VPS26A: variants seen among roughly 807,000 people sequenced by gnomAD.
VPS26A encodes the protein vacuolar protein sorting-associated protein 26A.
In VPS26A, 22 loss-of-function variants were observed where a neutral mutation model predicts 42.4. That is an observed-to-expected ratio of 0.52 (90% CI 0.37 to 0.74). The LOEUF (loss-of-function observed/expected upper bound fraction) is 0.74. Ranked by LOEUF, VPS26A falls within the 30% of genes least tolerant of loss-of-function variation. The pLI is 0.00. For synonymous variants in VPS26A, 110 were observed against 123.5 expected (o/e 0.89, Z 0.73); for missense variants, 276 against 379.2 (o/e 0.73, Z 2.26).
In VPS26A at chr10:69,149,743, T is replaced by TTTG. The variant is rs1564680045; in HGVS notation, c.154-6067_154-6066insGTT. Among the ~76,000 whole-genome samples, 10 of 39,054 alleles carry TTTG rather than the reference T, an allele frequency of 2.6e-4. 2 individuals carry two copies. The highest frequency in any genetic ancestry group is 4.7e-4 in the African/African-American group (9 of 19,120). The allele number at this position is 39,054 out of a possible 152,430, so 25.6% of individuals were successfully genotyped here. A position where few individuals can be genotyped will look rare whatever the true frequency, so the allele number is the denominator to read the frequency against. ...TTTCTTGGTGTTTTTTGTTTTTTTTTTTTTTTTTTTTTTTTTTTTTTGAGA... is the reference window on the plus strand; with the variant it reads ...TTTCTTGGTGTTTTTTGTTTTTTTTTTTGTTTTTTTTTTTTTTTTTTTTTGAGA... On this transcript the variant is annotated intron_variant, in intron 2 of 8. Coordinates refer to ENST00000263559, the MANE Select transcript of VPS26A (RefSeq NM_004896.5).
intron 2 of VPS26A, among the ~76,000 whole-genome samples, chr10:69,134,342 T>A (rs1270148414): frequency 6.6e-6 from 1 of 152,218 alleles, no homozygotes; most frequent in Non-Finnish European, 1.5e-5. Flanking sequence ...CTTCATATCT[T>A]TGGTAATATG....
At chr10:69,131,806 T>C (rs949004242) in intron 1 of VPS26A, among the ~76,000 whole-genome samples, 2 of 152,212 alleles carry the variant, frequency 1.3e-5, no homozygotes, top group Non-Finnish European at 2.9e-5. Flanking sequence ...AGGAGACTGT[T>C]CTCTGTGTAA....
intron 2 of VPS26A, among the ~76,000 whole-genome samples, chr10:69,135,534 A>C (rs1840887211): frequency 6.6e-6 from 1 of 152,196 alleles, no homozygotes; most frequent in South Asian, 2.1e-4. Flanking sequence ...TTTGAGCCCA[A>C]GAGTTCAAGA....
In VPS26A at chr10:69,124,257, G is replaced by A. The variant is rs5030909; in HGVS notation, c.-21G>A. On this transcript the variant is annotated 5_prime_UTR_variant, in exon 1 of 9. Transcript: ENST00000263559. ...GAGGGAAGAGGAGTGGAGTAGGGGGGACGCGGCGGCGGCGTTGACAATGGT... is the reference window on the plus strand; with the variant it reads ...GAGGGAAGAGGAGTGGAGTAGGGGGAACGCGGCGGCGGCGTTGACAATGGT... 0.23 allele frequency: 289,804 copies of A among 1,282,242 alleles called. 36,068 individuals carry two copies. The highest frequency in any genetic ancestry group is 0.25 in the Non-Finnish European group (250,923 of 1,008,884). 79.4% of individuals were successfully genotyped at this position (1,282,242 alleles called of 1,614,324 possible).
intron 2 of VPS26A, among the ~76,000 whole-genome samples, chr10:69,142,711 G>A (rs973549582): frequency 6.8e-5 from 10 of 147,004 alleles, no homozygotes; most frequent in African/African-American, 2.5e-4. Context: ...TATAACAAAT[G>A]CAAAAGAAAG....
chr10:69,169,110 G>C (rs1841758413), intron 8 of VPS26A, among the ~76,000 whole-genome samples: 1 of 151,126 alleles, frequency 6.6e-6, no homozygotes, highest in Non-Finnish European at 1.5e-5. Flanking sequence ...TGAACTCTTG[G>C]GCTTAAGCAA....
At chr10:69,159,690 A>G (rs1227676852) in intron 5 of VPS26A, among the ~76,000 whole-genome samples, 1 of 152,200 alleles carries the variant, frequency 6.6e-6, no homozygotes, top group Non-Finnish European at 1.5e-5. Flanking sequence ...ATATCATTCT[A>G]AATATAACTA....
intron 1 of VPS26A, among the ~76,000 whole-genome samples, chr10:69,125,091 GGTA>G (rs1409606428): frequency 6.6e-6 from 1 of 152,090 alleles, no homozygotes; most frequent in African/African-American, 2.4e-5. Flanking sequence ...CCCATTTTCT[GGTA>G]GTAGTCGTCA....
At chr10:69,171,119 A>G (rs761386465) in intron 8 of VPS26A, 37 bp from the exon 9 acceptor site, 2 of 1,525,734 alleles carry the variant, frequency 1.3e-6, no homozygotes, top group African/African-American at 2.8e-5. Context: ...CATCATATCA[A>G]ACATTAATTT....
chr10:69,138,417 G>GT (rs985017180), intron 2 of VPS26A, among the ~76,000 whole-genome samples: 6 of 152,096 alleles, frequency 3.9e-5, no homozygotes, highest in Non-Finnish European at 7.4e-5. Context: ...TGTTAAATAT[G>GT]TTTAAGTTTT....
intron 1 of VPS26A, among the ~76,000 whole-genome samples, chr10:69,131,093 C>G (rs1840767268): frequency 6.6e-6 from 1 of 152,134 alleles, no homozygotes; most frequent in Non-Finnish European, 1.5e-5. Flanking sequence ...CCAGGTGATT[C>G]TCCTGCCTCA....
At chr10:69,146,057 C>T (rs1166857894) in intron 2 of VPS26A, among the ~76,000 whole-genome samples, 1 of 152,038 alleles carries the variant, frequency 6.6e-6, no homozygotes, top group Admixed American at 6.6e-5. Flanking sequence ...AGTATGTACC[C>T]ATACTTCATT....
chr10:69,125,564 AAACTT>A (rs71684324), intron 1 of VPS26A, among the ~76,000 whole-genome samples: 24,151 of 152,088 alleles, frequency 0.16, 2,530 homozygotes, highest in Non-Finnish European at 0.23. Context: ...TTTGAAAAGA[AAACTT>A]AAAAGGTCCT....
chr10:69,133,754 CT>C, intron 2 of VPS26A: 1 of 439,746 alleles, frequency 2.3e-6, no homozygotes, highest in Non-Finnish European at 4.1e-6. Flanking sequence ...GTGATCATGG[CT>C]TACTGCATGC....
At chr10:69,156,255 G>A (rs1028420210) in intron 3 of VPS26A, among the ~76,000 whole-genome samples, 11 of 151,364 alleles carry the variant, frequency 7.3e-5, no homozygotes, top group Non-Finnish European at 1.6e-4. Flanking sequence ...TCCTGATCTA[G>A]TGTGTGCCTG....
rs1215920472 is a variant in VPS26A at position 69,173,687 on chromosome 10, CCAAT to C, written c.*2421_*2424del. On this transcript the variant is annotated 3_prime_UTR_variant, in exon 9 of 9. Transcript: ENST00000263559. ...GCTAGCTGGAGGTTTGTAAAATGTACCAATCAGTGCTTGTGAAAACGCACCAATC... is the reference window on the plus strand; with the variant it reads ...GCTAGCTGGAGGTTTGTAAAATGTACCAGTGCTTGTGAAAACGCACCAATC... 6.6e-6 allele frequency among the ~76,000 whole-genome samples: 1 copy of C among 152,198 alleles called. No individual in the cohort carries two copies. The highest frequency in any genetic ancestry group is 6.5e-5 in the Admixed American group (1 of 15,282).
chr10:69,137,765 T>C (rs1840947253), intron 2 of VPS26A, among the ~76,000 whole-genome samples: 1 of 152,010 alleles, frequency 6.6e-6, no homozygotes, highest in Non-Finnish European at 1.5e-5. Context: ...GATAGTAATA[T>C]TGAGGGCTAT....
At chr10:69,138,306 G>T (rs1840965765) in intron 2 of VPS26A, among the ~76,000 whole-genome samples, 1 of 152,228 alleles carries the variant, frequency 6.6e-6, no homozygotes. Context: ...CTTTTTTGCT[G>T]TTGTGACTAA....
At chr10:69,126,565 CAAAAA>C (rs60734904) in intron 1 of VPS26A, among the ~76,000 whole-genome samples, 99,460 of 136,364 alleles carry the variant, frequency 0.73, 38,877 homozygotes, top group Non-Finnish European at 0.88. Flanking sequence ...GACTCCGTCT[CAAAAA>C]AAAAAAAAAA....
Sources: gnomAD v4.1 joint callset for allele counts (sites outside exome capture counted in the v4.1 genomes callset) on GRCh38, gnomAD v4.1.1 for gene constraint, MANE v1.5 for transcripts, NCBI Gene and HGNC (gene_info 2026-07-23, HGNC 2026-07-21) for gene names.